ABCA6: variants seen among roughly 807,000 people sequenced by gnomAD.
ABCA6 encodes the protein ATP binding cassette subfamily A member 6.
In ABCA6, 164 loss-of-function variants were observed where a neutral mutation model predicts 191.2. The observed-to-expected ratio is 0.86, with a 90% confidence interval of 0.76 to 0.98. The LOEUF is 0.98. Ranked by LOEUF, ABCA6 falls within the 50% of genes least tolerant of loss-of-function variation. The pLI is 0.00. For synonymous variants in ABCA6, 636 were observed against 647.7 expected (o/e 0.98, Z 0.27); for missense variants, 1,958 against 1,894.1 (o/e 1.03, Z -0.63).
At chr17:69,113,837 A>T (rs1201983740) in intron 13 of ABCA6, 100 bp from the exon 14 acceptor site, 2 of 970,952 alleles carry the variant, frequency 2.1e-6, no homozygotes, top group Non-Finnish European at 3.0e-6. Flanking sequence ...TGGCCATCAG[A>T]GAAATGCAAA....
At chr17:69,130,839 A>G (rs1449582762) in intron 6 of ABCA6, among the ~76,000 whole-genome samples, 1 of 152,204 alleles carries the variant, frequency 6.6e-6, no homozygotes, top group Non-Finnish European at 1.5e-5. Flanking sequence ...CTTTCGTAGT[A>G]GAAAATTGAA....
chr17:69,113,036 A>C (rs2073459607), intron 15 of ABCA6, 186 bp downstream of exon 15: 2 of 532,226 alleles, frequency 3.8e-6, no homozygotes, highest in East Asian at 7.3e-5. Context: ...ATTAGTTGTC[A>C]CTACCTAGCA....
intron 16 of ABCA6, 78 bp from the exon 17 acceptor site, chr17:69,111,018 T>A: frequency 1.5e-6 from 2 of 1,374,066 alleles, no homozygotes; most frequent in East Asian, 2.4e-5. Context: ...ATTGAACACC[T>A]AGCTGTTGAG....
chr17:69,079,062 G>A lies in ABCA6; in HGVS notation c.4765C>T (p.Leu1589Phe), dbSNP rs1165335544. The change falls in exon 39 of 39, where the codon CTT becomes TTT. Residue 1589 changes from leucine to phenylalanine, a missense_variant. By Grantham distance (22) the Leu-to-Phe change is conservative (BLOSUM62 0). Transcript: ENST00000284425. Reference sequence around the variant, plus strand: ...TTTCCTACTTCCTGTTCTTTAGAAAGCTCTAAGAATACCTAATTAGGAGAC... The same window carrying A: ...TTTCCTACTTCCTGTTCTTTAGAAAACTCTAAGAATACCTAATTAGGAGAC... ...QCTLEKVFLE[L>F]SKEQEVGNFD... 1 of 1,606,432 alleles carries A rather than the reference G, an allele frequency of 6.2e-7. No individual in the cohort carries two copies. Among genetic ancestry groups the A allele is most frequent in the South Asian group, 1.1e-5 (1 of 90,368 alleles).
intron 9 of ABCA6, among the ~76,000 whole-genome samples, chr17:69,124,076 C>T (rs1363204792): frequency 1.3e-5 from 2 of 151,910 alleles, no homozygotes; most frequent in African/African-American, 4.8e-5. Context: ...ATATTGAAAT[C>T]TATATATTCC....
intron 36 of ABCA6, 50 bp downstream of exon 36, chr17:69,082,823 C>T (rs1257678246): frequency 6.2e-7 from 1 of 1,608,064 alleles, no homozygotes; most frequent in Non-Finnish European, 8.5e-7. Context: ...AAGGAAACCA[C>T]TGAGTGGATA....
chr17:69,128,496 G>T, intron 8 of ABCA6, 123 bp downstream of exon 8: 1 of 640,624 alleles, frequency 1.6e-6, no homozygotes, highest in Non-Finnish European at 2.3e-6. Flanking sequence ...ACATTTTAAA[G>T]CTTAACTTTA....
At position 69,107,776 on chromosome 17, in the gene ABCA6, C is replaced by T. The variant is rs1285868370; in HGVS notation, c.2309G>A (p.Gly770Glu). 2.5e-6 allele frequency: 4 copies of T among 1,612,506 alleles called. No homozygotes were observed. The highest frequency in any genetic ancestry group is 3.4e-6 in the Non-Finnish European group (4 of 1,179,236). ...CATGGAAATGTCATAACCTGTCACTCCCTGGTCAGAACACTTATCCAGATC... is the reference window on the plus strand; with the variant it reads ...CATGGAAATGTCATAACCTGTCACTTCCTGGTCAGAACACTTATCCAGATC... ...FSDLDKCSDQ[G>E]VTGYDISMST... Residue 770 changes from glycine to glutamate, a missense_variant, in exon 18 of 39, where the codon GGA becomes GAA. Gly to Glu is a moderately conservative substitution (Grantham distance 98). Transcript: ENST00000284425.
At chr17:69,098,127 AGTAAAGGT>A (rs1159941147) in intron 22 of ABCA6, 100 bp from the exon 23 acceptor site, 1 of 835,298 alleles carries the variant, frequency 1.2e-6, no homozygotes, top group Non-Finnish European at 1.7e-6. Context: ...GAAAAATCAA[AGTAAAGGT>A]GTAGCTCATT....
At chr17:69,118,077 A>G in intron 10 of ABCA6, 121 bp from the exon 11 acceptor site, 1 of 626,030 alleles carries the variant, frequency 1.6e-6, no homozygotes, top group Non-Finnish European at 2.8e-6. Flanking sequence ...AAGGGATGGC[A>G]TAAACAGTCT....
intron 3 of ABCA6, among the ~76,000 whole-genome samples, chr17:69,137,031 T>C (rs918471448): frequency 2.1e-4 from 32 of 152,212 alleles, no homozygotes; most frequent in Admixed American, 3.3e-4. Context: ...GATACTATCC[T>C]GCAAATCTAA....
At chr17:69,127,829 T>C (rs2073781210) in intron 8 of ABCA6, among the ~76,000 whole-genome samples, 1 of 152,134 alleles carries the variant, frequency 6.6e-6, no homozygotes, top group African/African-American at 2.4e-5. Context: ...CTAGAATGTT[T>C]GTAGCAGCTT....
At chr17:69,128,277 A>G (rs1287970176) in intron 8 of ABCA6, among the ~76,000 whole-genome samples, 3 of 152,076 alleles carry the variant, frequency 2.0e-5, no homozygotes, top group Non-Finnish European at 4.4e-5. Flanking sequence ...ATACAATAAA[A>G]GTGGGTTCAT....
intron 23 of ABCA6, among the ~76,000 whole-genome samples, chr17:69,097,457 C>T (rs928677262): frequency 6.6e-6 from 1 of 150,712 alleles, no homozygotes; most frequent in Non-Finnish European, 1.5e-5. Flanking sequence ...TTTACCTAAA[C>T]ATCTTGGAGA....
chr17:69,132,894 GTGTA>G (rs997426625), intron 6 of ABCA6, among the ~76,000 whole-genome samples: 46 of 152,164 alleles, frequency 3.0e-4, no homozygotes, highest in African/African-American at 8.7e-4. Flanking sequence ...ACATATATGT[GTGTA>G]TGTATGTGTA....
intron 23 of ABCA6, among the ~76,000 whole-genome samples, chr17:69,097,602 T>C (rs1428435735): frequency 1.3e-5 from 2 of 152,302 alleles, no homozygotes; most frequent in East Asian, 3.9e-4. Flanking sequence ...ATTTGGCCTT[T>C]GATTTCAACA....
At position 69,100,900 on chromosome 17, in the gene ABCA6, C is replaced by T. The variant is rs1386004043; in HGVS notation, c.2909G>A (p.Arg970Lys). 1.1e-5 allele frequency: 18 copies of T among 1,604,390 alleles called. No homozygotes were observed. Among genetic ancestry groups the T allele is most frequent in the Non-Finnish European group, 1.4e-5 (17 of 1,172,682 alleles). The change falls in exon 22 of 39, where the codon AGA (arginine) becomes AAA (lysine). Residue 970 changes from arginine to lysine, a missense_variant. Transcript: ENST00000284425. ...CATAAGAATTGGAAAACAGTGCAAT[C>T]TCTTGGTATTACACACAACTGAAAA... ...YRFSVVCNTK[R>K]LHCFPILMNI... is the part of the protein sequence containing the mutation.
Position 69,137,351 on chromosome 17 carries a change from T to C in ABCA6, c.246A>G (p.Ile82Met). The C allele has an allele frequency of 6.2e-7, 1 of 1,613,678 alleles. No homozygotes were observed. Among genetic ancestry groups the C allele is most frequent in the Non-Finnish European group, 8.5e-7 (1 of 1,179,746 alleles). The change falls in exon 3 of 39, where the codon ATA becomes ATG. Residue 82 changes from isoleucine (I) to methionine (M), a missense_variant. By Grantham distance (10) the Ile-to-Met change is conservative. Transcript: ENST00000284425. Reference sequence around the variant, plus strand: ...TCATTATCTGCTGGGTTAAATTAGATATTGGTGTATACACAACCATTAAAG... The same window carrying C: ...TCATTATCTGCTGGGTTAAATTAGACATTGGTGTATACACAACCATTAAAG... ...SSSLMVVYTP[I>M]SNLTQQIMNK...
At chr17:69,110,612 A>C in intron 17 of ABCA6, 189 bp downstream of exon 17, 1 of 586,184 alleles carries the variant, frequency 1.7e-6, no homozygotes, top group Non-Finnish European at 2.8e-6. Context: ...TGTCCCCATT[A>C]TCTGCTGGTG....
Sources: allele counts gnomAD v4.1 joint callset (sites outside exome capture counted in the v4.1 genomes callset), GRCh38; gene constraint gnomAD v4.1.1; transcripts MANE v1.5; gene names NCBI Gene and HGNC (gene_info 2026-07-23, HGNC 2026-07-21).